RBFOX1: variants seen among roughly 807,000 people sequenced by gnomAD.
RBFOX1 encodes RNA binding protein fox-1 homolog 1.
RBFOX1 carries 8 observed loss-of-function variants against 57.7 expected under a neutral mutation model. The observed-to-expected ratio is 0.14, with a 90% CI of 0.08 to 0.25. RBFOX1 has a LOEUF of 0.25. RBFOX1 is among the 10% of genes least tolerant of loss of function. RBFOX1 has a pLI of 1.00. For missense variants in RBFOX1, 611 were observed against 548.5 expected (o/e 1.11, Z -1.14); for synonymous variants, 326 against 222.4 (o/e 1.47, Z -4.15).
At chr16:6,879,489 C>A (rs973420516) in intron 3 of RBFOX1, among the ~76,000 whole-genome samples, 4 of 152,076 alleles carry the variant, frequency 2.6e-5, no homozygotes, top group African/African-American at 4.8e-5. Context: ...CCCATCATGA[C>A]CTTAATTGCA....
intron 2 of RBFOX1, among the ~76,000 whole-genome samples, chr16:5,510,997 G>C (rs1567177694): frequency 6.6e-6 from 1 of 152,132 alleles, no homozygotes; most frequent in Non-Finnish European, 1.5e-5. Flanking sequence ...TTCCTTTACT[G>C]TTTTACTTAC....
chr16:5,366,187 T>C (rs1270180424), intron 1 of RBFOX1: 5 of 421,156 alleles, frequency 1.2e-5, no homozygotes, highest in South Asian at 7.7e-5. Flanking sequence ...GACAAAGATA[T>C]GAAACTCTTA....
At chr16:7,471,659 G>T (rs547713892) in intron 4 of RBFOX1, among the ~76,000 whole-genome samples, 3 of 152,276 alleles carry the variant, frequency 2.0e-5, no homozygotes, top group South Asian at 2.1e-4. Flanking sequence ...ATCAAAAAAT[G>T]GGGGAGAATC....
intron 1 of RBFOX1, among the ~76,000 whole-genome samples, chr16:6,246,818 C>T (rs549919168): frequency 6.6e-6 from 1 of 152,138 alleles, no homozygotes. Context: ...CCTATAATCC[C>T]AGCACTTTAG....
chr16:7,259,273 A>G (rs1387783831), intron 4 of RBFOX1, among the ~76,000 whole-genome samples: 3 of 152,202 alleles, frequency 2.0e-5, no homozygotes, highest in Non-Finnish European at 2.9e-5. Flanking sequence ...TAGGAAAGCA[A>G]CTGCAAAGAG....
At chr16:6,549,452 G>C (rs1337611274) in intron 2 of RBFOX1, among the ~76,000 whole-genome samples, 1 of 77,412 alleles carries the variant, frequency 1.3e-5, no homozygotes, top group African/African-American at 5.1e-5. Flanking sequence ...GGAGGGAGGA[G>C]GGAAAAGGAA....
chr16:5,808,168 C>G (rs905875725), intron 3 of RBFOX1, among the ~76,000 whole-genome samples: 1 of 152,000 alleles, frequency 6.6e-6, no homozygotes, highest in South Asian at 2.1e-4. Context: ...AAAATGAGGC[C>G]GTTAGGATGG....
chr16:7,033,390 C>G (rs113960585), intron 3 of RBFOX1, among the ~76,000 whole-genome samples: 2 of 152,264 alleles, frequency 1.3e-5, no homozygotes, highest in Admixed American at 1.3e-4. Context: ...TGTGATGGCA[C>G]ATGCCTGTAA....
At chr16:5,715,219 C>G (rs1266891668) in intron 3 of RBFOX1, among the ~76,000 whole-genome samples, 1 of 152,134 alleles carries the variant, frequency 6.6e-6, no homozygotes, top group East Asian at 1.9e-4. Flanking sequence ...TGAAACAACC[C>G]TATAAATCAG....
At chr16:7,292,417 A>T (rs982975771) in intron 4 of RBFOX1, among the ~76,000 whole-genome samples, 1 of 142,004 alleles carries the variant, frequency 7.0e-6, no homozygotes, top group African/African-American at 2.6e-5. Flanking sequence ...ATTATATTAT[A>T]TATATAAGGT....
chr16:5,299,214 T>G (rs1406904017), intron 1 of RBFOX1, among the ~76,000 whole-genome samples: 1 of 152,116 alleles, frequency 6.6e-6, no homozygotes, highest in Non-Finnish European at 1.5e-5. Context: ...CTTTTTTTTT[T>G]GCTCAAAAAA....
chr16:6,382,981 A>C (rs926427102), intron 2 of RBFOX1, among the ~76,000 whole-genome samples: 1 of 152,238 alleles, frequency 6.6e-6, no homozygotes, highest in African/African-American at 2.4e-5. Context: ...TTTACGCTGC[A>C]GCCAGCCCAG....
intron 5 of RBFOX1, among the ~76,000 whole-genome samples, chr16:7,543,763 C>A (rs2083639596): frequency 6.6e-6 from 1 of 151,194 alleles, no homozygotes; most frequent in Non-Finnish European, 1.5e-5. Flanking sequence ...ACTCTGTTGT[C>A]AGGCTGGAGT....
chr16:7,486,555 C>T (rs982223991), intron 4 of RBFOX1, among the ~76,000 whole-genome samples: 13 of 152,132 alleles, frequency 8.5e-5, no homozygotes, highest in Non-Finnish European at 1.8e-4. Context: ...ACAGCATCTC[C>T]CCTGTAGAGT....
rs12445508 is a variant in RBFOX1 at position 6,803,250 on chromosome 16, T to G, written c.-16+148600T>G. 2.0e-5 allele frequency among the ~76,000 whole-genome samples: 3 copies of G among 152,064 alleles called. No individual in the cohort carries two copies. The South Asian group carries it at 6.2e-4, about 32-fold the overall frequency. ...GCCTATGACATTGCTGTTAGCTTTC[T>G]GCATGAAAGTGCAAACTTCAATTTT... On this transcript the variant is annotated intron_variant, in intron 3 of 15. Coordinates refer to ENST00000550418, the MANE Select transcript of RBFOX1 (RefSeq NM_018723.4).
intron 3 of RBFOX1, among the ~76,000 whole-genome samples, chr16:6,879,857 A>AAT (rs2062575516): frequency 6.6e-6 from 1 of 152,206 alleles, no homozygotes; most frequent in African/African-American, 2.4e-5. Context: ...GACATTTTGA[A>AAT]TTATCTCATA....
chr16:6,734,250 A>G (rs974040596), intron 3 of RBFOX1, among the ~76,000 whole-genome samples: 5 of 152,164 alleles, frequency 3.3e-5, no homozygotes, highest in East Asian at 1.9e-4. Context: ...TTGAATATCT[A>G]TGAATGCCCT....
At chr16:7,177,488 TAA>T (rs78279616) in intron 4 of RBFOX1, among the ~76,000 whole-genome samples, 2 of 143,488 alleles carry the variant, frequency 1.4e-5, no homozygotes, top group African/African-American at 2.5e-5. Flanking sequence ...TATGTATCAA[TAA>T]AAAAAAAAAA....
At chr16:7,200,579 T>C (rs2088101842) in intron 4 of RBFOX1, among the ~76,000 whole-genome samples, 1 of 151,740 alleles carries the variant, frequency 6.6e-6, no homozygotes, top group Non-Finnish European at 1.5e-5. Flanking sequence ...CAAGAAGGAG[T>C]TGTGACAGAA....
Sources: allele counts gnomAD v4.1 joint callset (sites outside exome capture counted in the v4.1 genomes callset), GRCh38; gene constraint gnomAD v4.1.1; transcripts MANE v1.5; gene names NCBI Gene and HGNC (gene_info 2026-07-23, HGNC 2026-07-21).